The following PARP14 variants were observed in gnomAD, a reference collection of about 807,000 sequenced individuals.
The protein encoded by PARP14 is poly(ADP-ribose) polymerase family member 14, also known as protein mono-ADP-ribosyltransferase PARP14.
PARP14 carries 59 observed loss-of-function variants against 154.2 expected under a neutral mutation model. That is an observed-to-expected ratio of 0.38 (90% confidence interval 0.31 to 0.48). The LOEUF (loss-of-function observed/expected upper bound fraction) is 0.48. Ranked by LOEUF, PARP14 falls within the 20% of genes least tolerant of loss-of-function variation. PARP14 has a pLI of 0.98. For missense variants in PARP14, 1,734 were observed against 2,131.6 expected, an observed-to-expected ratio of 0.81 and a Z score of 3.67; for synonymous variants, 720 against 780.5, an observed-to-expected ratio of 0.92 and a Z score of 1.29.
rs760830166 is a variant in PARP14 at position 122,700,595 on chromosome 3, T to G, written c.2041T>G (p.Leu681Val). 1 of 1,598,250 alleles carries G rather than the reference T, an allele frequency of 6.3e-7. No homozygotes were observed. The highest frequency in any genetic ancestry group is 1.3e-5 in the African/African-American group (1 of 74,650). Residue 681 changes from leucine (L) to valine (V), a missense_variant, in exon 6 of 17, where the codon TTA becomes GTA. Physicochemically the swap from Leu to Val is conservative, Grantham distance 32 (BLOSUM62 1). Around this residue, in one of 2 missense-constraint regions of PARP14, gnomAD observed 1,646 missense variants for 1,976.0 expected, o/e 0.83. Transcript: ENST00000474629. ...IERLVEVKPS[L>V]VIDYLKTEKK... ...GAGACTGGTTGAAGTAAAGCCTTCC[T>G]TAGTTATTGACTATTTAAAGACAGA...
At position 122,714,277 on chromosome 3, in the gene PARP14, A is replaced by G; in HGVS notation, c.3848A>G (p.Asn1283Ser). The stretch of plus-strand genomic sequence containing the variant: ...TGTTTCCCAGCTCAGCAGCGCAAAA[A>G]TGATTATATAATCACCGGAGGTGGA... ...ECSQQAQQRK[N>S]DYIITGGGFL... Residue 1283 changes from asparagine to serine, a missense_variant, in exon 12 of 17, where the codon AAT (asparagine) becomes AGT (serine). By Grantham distance (46) the Asn-to-Ser change is conservative. Transcript: ENST00000474629. 1 of 1,597,524 alleles carries G rather than the reference A, an allele frequency of 6.3e-7. No individual in the cohort carries two copies. Among genetic ancestry groups the G allele is most frequent in the Non-Finnish European group, 8.5e-7 (1 of 1,175,536 alleles).
At chr3:122,691,639 A>G (rs1360051649) in intron 3 of PARP14, among the ~76,000 whole-genome samples, 3 of 152,204 alleles carry the variant, frequency 2.0e-5, no homozygotes, top group African/African-American at 7.2e-5. Context: ...TAAATCTCCA[A>G]TTCAGCAAAC....
rs1041070935 is a variant in PARP14, at chr3:122,729,693, G to C, written c.*1096G>C. On this transcript the variant is annotated 3_prime_UTR_variant, in exon 17 of 17. Transcript: ENST00000474629. ...GCCTCCCAAACTGCTGGGATTACAGGTGTGAGCCACCGTGACCAGCCAATG... is the reference window on the plus strand; with the variant it reads ...GCCTCCCAAACTGCTGGGATTACAGCTGTGAGCCACCGTGACCAGCCAATG... The C allele has an allele frequency of 3.3e-5, 5 of 152,142 alleles. No homozygotes were observed. Among genetic ancestry groups the C allele is most frequent in the Admixed American group, 6.5e-5 (1 of 15,268 alleles). 9.4% of individuals were successfully genotyped at this position (152,142 alleles called of 1,614,324 possible).
chr3:122,691,162 G>A (rs1257431360), intron 3 of PARP14, among the ~76,000 whole-genome samples: 1 of 152,154 alleles, frequency 6.6e-6, no homozygotes, highest in East Asian at 1.9e-4. Context: ...TGGCCACTGC[G>A]AACATTTACA....
At chr3:122,719,004 T>G in intron 14 of PARP14, 46 bp downstream of exon 14, 11 of 1,479,564 alleles carry the variant, frequency 7.4e-6, no homozygotes, top group Non-Finnish European at 9.9e-6. Context: ...CACATCTACT[T>G]TGGGCATAAC....
chr3:122,687,985 G>T (rs1938424449), intron 3 of PARP14, among the ~76,000 whole-genome samples: 1 of 152,222 alleles, frequency 6.6e-6, no homozygotes, highest in South Asian at 2.1e-4. Flanking sequence ...ATTGGATAGA[G>T]ATATATGGCT....
chr3:122,710,019 C>T (rs2107649094), intron 9 of PARP14, among the ~76,000 whole-genome samples: 1 of 151,924 alleles, frequency 6.6e-6, no homozygotes, highest in East Asian at 1.9e-4. Context: ...GGATTGTCTG[C>T]TTACTCTCCT....
chr3:122,691,354 A>G (rs1436058517), intron 3 of PARP14, among the ~76,000 whole-genome samples: 1 of 152,212 alleles, frequency 6.6e-6, no homozygotes, highest in Non-Finnish European at 1.5e-5. Context: ...GGACAAGCAT[A>G]CAGTGAGACT....
At chr3:122,704,442 T>A in intron 7 of PARP14, 85 bp from the exon 8 acceptor site, 1 of 790,666 alleles carries the variant, frequency 1.3e-6, no homozygotes, top group South Asian at 1.7e-5. Flanking sequence ...GTATTCAAGT[T>A]CACAAAGTTG....
chr3:122,699,741 C>G lies in PARP14; in HGVS notation c.1187C>G (p.Ser396Cys). 1 of 1,613,872 alleles carries G rather than the reference C, an allele frequency of 6.2e-7. No homozygotes were observed. The highest frequency in any genetic ancestry group is 1.1e-5 in the South Asian group (1 of 91,064). ...DTSTTLSSIR[S>C]KYKVNPIKVD... ...TCCACAACACTCTCTAGCATCAGGTCTAAATATAAAGTCAACCCAATTAAA... is the reference window on the plus strand; with the variant it reads ...TCCACAACACTCTCTAGCATCAGGTGTAAATATAAAGTCAACCCAATTAAA... The change falls in exon 6 of 17, where the codon TCT (serine) becomes TGT (cysteine). Residue 396 changes from serine to cysteine, a missense_variant. Around this residue, in one of 2 missense-constraint regions of PARP14, gnomAD observed 1,646 missense variants for 1,976.0 expected, o/e 0.83. Coordinates refer to ENST00000474629, the MANE Select transcript of PARP14 (RefSeq NM_017554.3).
In PARP14 at chr3:122,701,412, G is replaced by T. The variant is rs753584983; in HGVS notation, c.2858G>T (p.Cys953Phe). 1.2e-6 allele frequency: 2 copies of T among 1,613,814 alleles called. No homozygotes were observed. Among genetic ancestry groups the T allele is most frequent in the South Asian group, 2.2e-5 (2 of 91,086 alleles). ...TTCCAATTCAAGAAGGATGGACACT[G>T]CTTGAAAGAAATCTACCTTGTGGAT... is the stretch of plus-strand genomic sequence containing the variant. ...ENFQFKKDGH[C>F]LKEIYLVDVS... is the part of the protein sequence containing the mutation. The change falls in exon 6 of 17, where the codon TGC becomes TTC. Residue 953 changes from cysteine to phenylalanine, a missense_variant. Coordinates refer to ENST00000474629, the MANE Select transcript of PARP14 (RefSeq NM_017554.3). This position sits in a 1 kb window ranked among gnomAD's most constrained non-coding sequence, Gnocchi z 4.0.
chr3:122,682,720 T>C (rs2107634194), intron 1 of PARP14, among the ~76,000 whole-genome samples: 1 of 152,206 alleles, frequency 6.6e-6, no homozygotes, highest in East Asian at 1.9e-4. Flanking sequence ...TGGCCCCTCT[T>C]GTCTTACCCC....
At chr3:122,685,068 T>C (rs1188029815) in intron 1 of PARP14, 117 bp from the exon 2 acceptor site, 2 of 1,132,124 alleles carry the variant, frequency 1.8e-6, no homozygotes, top group South Asian at 1.5e-5. Context: ...ATAGCCTCTC[T>C]TGAGAAACCG....
intron 15 of PARP14, among the ~76,000 whole-genome samples, chr3:122,723,107 T>A (rs919121361): frequency 6.6e-6 from 1 of 151,996 alleles, no homozygotes; most frequent in Non-Finnish European, 1.5e-5. Flanking sequence ...GGCTAATTTT[T>A]TTTTGTATTT....
chr3:122,695,339 A>T, intron 4 of PARP14, 87 bp from the exon 5 acceptor site: 1 of 691,090 alleles, frequency 1.4e-6, no homozygotes, highest in Non-Finnish European at 2.5e-6. Context: ...CTTTTATTTC[A>T]ATTAGTAGCC....
intron 3 of PARP14, among the ~76,000 whole-genome samples, chr3:122,691,213 A>G (rs1938529502): frequency 6.6e-6 from 1 of 152,144 alleles, no homozygotes; most frequent in Non-Finnish European, 1.5e-5. Flanking sequence ...AAAATCTGTA[A>G]ATTTCTTAAC....
chr3:122,700,090 A>G lies in PARP14; in HGVS notation c.1536A>G (p.Gly512=), dbSNP rs747147754. The G allele has an allele frequency of 3.1e-6, 5 of 1,613,636 alleles. No individual in the cohort carries two copies. In the African/African-American group the frequency reaches 5.3e-5, roughly 17 times the overall value. Residue 512 remains glycine (G), a synonymous_variant, in exon 6 of 17, where the codon GGA becomes GGG. Transcript: ENST00000474629. ...DRVTQHLCLK[G]PSADVYKAKC... ...TCACTCAACACTTGTGCTTGAAAGG[A>G]CCTAGTGCAGATGTGTATAAAGCAA... is the stretch of plus-strand genomic sequence containing the variant.
Position 122,727,882 on chromosome 3 carries a change from A to G in PARP14, c.5012A>G (p.Asn1671Ser). 1 of 1,613,100 alleles carries G rather than the reference A, an allele frequency of 6.2e-7. No individual in the cohort carries two copies. Among genetic ancestry groups the G allele is most frequent in the Non-Finnish European group, 8.5e-7 (1 of 1,179,054 alleles). The change falls in exon 16 of 17, where the codon AAT becomes AGT. Residue 1671 changes from asparagine (N) to serine (S), a missense_variant. Asn to Ser is a conservative substitution (Grantham distance 46). Transcript: ENST00000474629. Reference sequence around the variant, plus strand: ...AAGAAAAAAACTATGGATGCCAAGAATGGCCAGACAATGAATGAGAAGCAA... The same window carrying G: ...AAGAAAAAAACTATGGATGCCAAGAGTGGCCAGACAATGAATGAGAAGCAA... ...QAKKKTMDAKNGQTMNEKQLF... is the reference protein window; with the variant it reads ...QAKKKTMDAKSGQTMNEKQLF...
At chr3:122,703,667 G>C in intron 6 of PARP14, 75 bp from the exon 7 acceptor site, 1 of 817,568 alleles carries the variant, frequency 1.2e-6, no homozygotes, top group Non-Finnish European at 1.9e-6. Context: ...GCCAAGCCCA[G>C]TGCCTCAAAT....
Sources: gnomAD v4.1 joint callset for allele counts (sites outside exome capture counted in the v4.1 genomes callset) on GRCh38, gnomAD v4.1.1 for gene constraint, gnomAD v4.1.1 regional missense constraint, Gnocchi (gnomAD v3.1) non-coding constraint, MANE v1.5 for transcripts, NCBI Gene and HGNC (gene_info 2026-07-23, HGNC 2026-07-21) for gene names.